Variants in TRERF1 observed in about 807,000 individuals in gnomAD.
TRERF1 encodes the protein transcriptional regulating factor 1.
In TRERF1, 27 loss-of-function variants were observed where a neutral mutation model predicts 122.9. That is an observed-to-expected ratio of 0.22 (90% CI 0.16 to 0.30). TRERF1 has a LOEUF of 0.30. Among genes scored for constraint, TRERF1 ranks in the 10% least tolerant of loss-of-function variants. The pLI, the probability that TRERF1 is intolerant of heterozygous loss-of-function variation, is 1.00. For missense variants in TRERF1, 1,248 were observed against 1,560.3 expected, an observed-to-expected ratio of 0.80 and a Z score of 3.37; for synonymous variants, 636 against 641.7, an observed-to-expected ratio of 0.99 and a Z score of 0.13.
chr6:42,264,674 A>G, intron 7 of TRERF1, 30 bp downstream of exon 7: 1 of 1,610,494 alleles, frequency 6.2e-7, no homozygotes, highest in South Asian at 1.1e-5. Flanking sequence ...CACACGACCT[A>G]GAAAGGACCG....
chr6:42,409,080 A>G (rs1393480426), intron 2 of TRERF1, among the ~76,000 whole-genome samples: 1 of 152,106 alleles, frequency 6.6e-6, no homozygotes, highest in Non-Finnish European at 1.5e-5. Flanking sequence ...TGAGCCCAGG[A>G]GTTCAAGACC....
At chr6:42,447,650 A>T (rs1787757327) in intron 2 of TRERF1, among the ~76,000 whole-genome samples, 1 of 152,192 alleles carries the variant, frequency 6.6e-6, no homozygotes, top group African/African-American at 2.4e-5. Flanking sequence ...AGCACCATTT[A>T]TACCGCCTGG....
intron 3 of TRERF1, among the ~76,000 whole-genome samples, chr6:42,353,902 TG>T (rs1562047761): frequency 6.6e-6 from 1 of 152,250 alleles, no homozygotes; most frequent in African/African-American, 2.4e-5. Flanking sequence ...AAAATCGTGA[TG>T]GTAGTTCTGG....
At chr6:42,244,396 C>A (rs1451081410) in intron 14 of TRERF1, among the ~76,000 whole-genome samples, 2 of 152,114 alleles carry the variant, frequency 1.3e-5, no homozygotes, top group East Asian at 3.9e-4. Flanking sequence ...GTTGGTCAGG[C>A]TGGTCTCGAA....
chr6:42,435,498 C>A (rs950753375), intron 2 of TRERF1, among the ~76,000 whole-genome samples: 1 of 151,968 alleles, frequency 6.6e-6, no homozygotes, highest in African/African-American at 2.4e-5. Context: ...CTATAGTGAG[C>A]TGTGATCACG....
At chr6:42,342,107 CCT>C in intron 3 of TRERF1, among the ~76,000 whole-genome samples, 1 of 152,364 alleles carries the variant, frequency 6.6e-6, no homozygotes. Context: ...CTGGGCTCCC[CCT>C]GAGGGCAGAG....
intron 2 of TRERF1, among the ~76,000 whole-genome samples, chr6:42,401,213 A>G (rs1263450438): frequency 2.0e-5 from 3 of 152,232 alleles, no homozygotes; most frequent in Non-Finnish European, 4.4e-5. Context: ...ACAGAGGCCA[A>G]TCTGAGATAC....
chr6:42,269,573 C>T lies in TRERF1; in HGVS notation c.18G>A (p.Leu6=). Reference sequence around the variant, plus strand: ...CATGGGCCACATGGTTGGTCTTGTACAGTTGCTGGTCACCCATGCTGTCTG... The same window carrying T: ...CATGGGCCACATGGTTGGTCTTGTATAGTTGCTGGTCACCCATGCTGTCTG... Residue 6 remains leucine (L), a synonymous_variant, in exon 5 of 18, where the codon CTG becomes CTA. Coordinates refer to ENST00000372922, the Ensembl canonical transcript of TRERF1. This position sits in a 1 kb window ranked among gnomAD's most constrained non-coding sequence, Gnocchi z 4.9. The T allele has an allele frequency of 1.9e-6, 3 of 1,613,964 alleles. No individual in the cohort carries two copies. Among genetic ancestry groups the T allele is most frequent in the Non-Finnish European group, 2.5e-6 (3 of 1,179,886 alleles).
chr6:42,265,850 C>G, intron 5 of TRERF1, 53 bp from the exon 6 acceptor site: 1 of 1,589,882 alleles, frequency 6.3e-7, no homozygotes, highest in Non-Finnish European at 8.6e-7. Flanking sequence ...AAAACGTGTT[C>G]TGAAGGGAGA....
intron 3 of TRERF1, among the ~76,000 whole-genome samples, chr6:42,342,612 C>T (rs1767502767): frequency 6.6e-6 from 1 of 152,210 alleles, no homozygotes; most frequent in Admixed American, 6.5e-5. Flanking sequence ...CTGTCAAAGT[C>T]TAGCCTAATC....
rs1016718941 is a variant in TRERF1 at position 42,380,564 on chromosome 6, A to G, written c.-453-17485T>C. On this transcript the variant is annotated intron_variant, in intron 2 of 17. Coordinates refer to ENST00000372922, the Ensembl canonical transcript of TRERF1. ...TTTATGTCTTTTCTTCAAAAGTCTT[A>G]TGATTGCCCAAAGAGTCTAAATGTC... is the stretch of plus-strand genomic sequence containing the variant. 5.9e-5 allele frequency among the ~76,000 whole-genome samples: 9 copies of G among 152,188 alleles called. No individual in the cohort carries two copies. The East Asian group carries it at 1.7e-3, about 29-fold the overall frequency.
chr6:42,243,329 C>T (rs774809410), exon 15 of TRERF1: 2 of 1,614,070 alleles, frequency 1.2e-6, no homozygotes, highest in Admixed American at 1.7e-5. Context: ...TGTAGTAGTA[C>T]TCCACGCACT....
chr6:42,238,553 T>C (rs1772810573), intron 15 of TRERF1, among the ~76,000 whole-genome samples: 1 of 152,118 alleles, frequency 6.6e-6, no homozygotes, highest in South Asian at 2.1e-4. Context: ...AACAAAACAC[T>C]TACTATATTC....
At chr6:42,290,741 C>CTTTTTTT (rs144168592) in intron 4 of TRERF1, among the ~76,000 whole-genome samples, 9 of 92,414 alleles carry the variant, frequency 9.7e-5, no homozygotes, top group South Asian at 3.7e-4. Flanking sequence ...CATTTCTTTC[C>CTTTTTTT]TTTTTTTTTT....
intron 4 of TRERF1, among the ~76,000 whole-genome samples, chr6:42,291,706 T>C (rs1438246259): frequency 6.6e-6 from 1 of 151,654 alleles, no homozygotes; most frequent in Non-Finnish European, 1.5e-5. Flanking sequence ...GCTGTTTTTT[T>C]TTTTTGTGTG....
rs16895477 is a variant in TRERF1, at chr6:42,265,676, A to G, written c.1484+75T>C. On this transcript the variant is annotated intron_variant, in intron 6 of 17. Transcript: ENST00000372922. ...TCTTTGAGGAATGACTTGGAATTTA[A>G]AAATGAATCATGAGAGACACCCCAG... The G allele has an allele frequency of 0.014, 20,796 of 1,460,830 alleles. 2,323 individuals are homozygous for G. The African/African-American group carries it at 0.25, about 18-fold the overall frequency. 90.5% of individuals were successfully genotyped at this position (1,460,830 alleles called of 1,614,324 possible). A position where few individuals can be genotyped will look rare whatever the true frequency, so the allele number is the denominator to read the frequency against.
intron 3 of TRERF1, among the ~76,000 whole-genome samples, chr6:42,325,097 A>G (rs1764063578): frequency 6.6e-6 from 1 of 152,258 alleles, no homozygotes; most frequent in Non-Finnish European, 1.5e-5. Flanking sequence ...GGCAAAGGCC[A>G]TGAACAGACA....
chr6:42,396,958 G>A (rs957557510), intron 2 of TRERF1, among the ~76,000 whole-genome samples: 1 of 152,082 alleles, frequency 6.6e-6, no homozygotes, highest in Non-Finnish European at 1.5e-5. Flanking sequence ...AACCCCCTTG[G>A]GCCACCCTTG....
intron 3 of TRERF1, among the ~76,000 whole-genome samples, chr6:42,343,171 G>A (rs1767614558): frequency 6.6e-6 from 1 of 152,192 alleles, no homozygotes; most frequent in South Asian, 2.1e-4. Context: ...AGAGTCCTGG[G>A]ATATGAGAAA....
Sources: gnomAD v4.1 joint callset for allele counts (sites outside exome capture counted in the v4.1 genomes callset) on GRCh38, gnomAD v4.1.1 for gene constraint, Gnocchi (gnomAD v3.1) non-coding constraint, MANE v1.5 for transcripts, NCBI Gene and HGNC (gene_info 2026-07-23, HGNC 2026-07-21) for gene names.